Variants in DBNDD2 observed in about 807,000 individuals in gnomAD.
DBNDD2 encodes dysbindin domain containing 2, also known as dysbindin domain-containing protein 2.
A neutral mutation model predicts 14.0 loss-of-function variants in DBNDD2; 8 were observed. The observed-to-expected ratio is 0.57, with a 90% confidence interval of 0.33 to 1.03. DBNDD2 has a LOEUF of 1.03. DBNDD2 is among the 50% of genes least tolerant of loss of function. The pLI is 0.03. For synonymous variants in DBNDD2, 94 were observed against 85.3 expected (o/e 1.10, Z -0.56); for missense variants, 194 against 206.0 (o/e 0.94, Z 0.36).
chr20:45,407,964 T>C, upstream of DBNDD2: 1 of 1,403,482 alleles, frequency 7.1e-7, no homozygotes, highest in South Asian at 1.7e-5. Context: ...GGAGTTGCTT[T>C]AGCCTTTGTC....
chr20:45,408,499 G>T lies in DBNDD2; in HGVS notation c.32G>T (p.Arg11Leu). 1.2e-6 allele frequency: 2 copies of T among 1,614,238 alleles called. No individual in the cohort carries two copies. Among genetic ancestry groups the T allele is most frequent in the Non-Finnish European group, 1.7e-6 (2 of 1,180,038 alleles). The change falls in exon 1 of 3, where the codon CGC becomes CTC. Residue 11 changes from arginine (R) to leucine (L), a missense_variant. Transcript: ENST00000372710. MDPNPRAALE[R>L]QQLRLRERQK... The stretch of plus-strand genomic sequence containing the variant: ...CCAAATCCTCGGGCCGCCCTGGAGC[G>T]CCAGCAGCTCCGCCTTCGGGAGCGG...
chr20:45,410,146 G>C lies in DBNDD2; in HGVS notation c.*6G>C. On this transcript the variant is annotated 3_prime_UTR_variant, in exon 3 of 3. Coordinates refer to ENST00000372710, the MANE Select transcript of DBNDD2 (RefSeq NM_001048225.4). ...AGCCTGGAGCCTGCAGCTAGCAGTG[G>C]GCCCCTGCCTACAGACTGACCACGC... 1 of 1,551,646 alleles carries C rather than the reference G, an allele frequency of 6.4e-7. No homozygotes were observed. Among genetic ancestry groups the C allele is most frequent in the Non-Finnish European group, 8.7e-7 (1 of 1,147,026 alleles).
chr20:45,409,455 ATGTCTG>A (rs1465315225), intron 2 of DBNDD2, among the ~76,000 whole-genome samples: 1 of 152,202 alleles, frequency 6.6e-6, no homozygotes, highest in Non-Finnish European at 1.5e-5. Context: ...ACTGGAATTC[ATGTCTG>A]TCTGACTCCA....
intron 2 of DBNDD2, among the ~76,000 whole-genome samples, chr20:45,409,537 G>T (rs1031559500): frequency 2.6e-5 from 4 of 152,178 alleles, no homozygotes; most frequent in African/African-American, 9.7e-5. Flanking sequence ...TTTATTGATG[G>T]CTTACTATGC....
chr20:45,406,688 C>T (rs1033768097), upstream of DBNDD2: 55 of 1,332,282 alleles, frequency 4.1e-5, no homozygotes, highest in East Asian at 4.8e-4. Flanking sequence ...GCCGCGGCCT[C>T]GCTGGAGCGG....
upstream of DBNDD2, chr20:45,408,064 C>T (rs1038791843): frequency 2.0e-6 from 3 of 1,467,932 alleles, no homozygotes; most frequent in Non-Finnish European, 2.7e-6. Context: ...CTATCCTGTC[C>T]CTGGCCTTCT....
upstream of DBNDD2, chr20:45,407,301 TC>T: frequency 2.0e-6 from 2 of 985,828 alleles, no homozygotes; most frequent in African/African-American, 1.7e-5. Context: ...CCGCACGGTC[TC>T]CCCAGACTTC....
rs752938729 is a variant in DBNDD2 at position 45,408,940 on chromosome 20, T to C, written c.277+2T>C. 2 of 1,614,050 alleles carry C rather than the reference T, an allele frequency of 1.2e-6. No homozygotes were observed. The highest frequency in any genetic ancestry group is 2.7e-5 in the African/African-American group (2 of 74,930). ...CTCCACCAACCCCCCAGTCGTCTGG[T>C]ATGCCCCTCTGCTTTGGGGACTTCA... is the stretch of plus-strand genomic sequence containing the variant. On this transcript the variant is annotated splice_donor_variant, in intron 2 of 2. Coordinates refer to ENST00000372710, the MANE Select transcript of DBNDD2 (RefSeq NM_001048225.4). LOFTEE classifies it high-confidence loss of function.
rs930203904 is a variant in DBNDD2, at chr20:45,408,300, C to T, written c.-168C>T. On this transcript the variant is annotated 5_prime_UTR_variant, in exon 1 of 3. Coordinates refer to ENST00000372710, the MANE Select transcript of DBNDD2 (RefSeq NM_001048225.4). ...TTGGTTTGTGGGACACACTTGGTTTCAGGGAAGGGGAAAGAGGTCACCAAG... is the reference window on the plus strand; with the variant it reads ...TTGGTTTGTGGGACACACTTGGTTTTAGGGAAGGGGAAAGAGGTCACCAAG... 7 of 1,567,378 alleles carry T rather than the reference C, an allele frequency of 4.5e-6. No homozygotes were observed. The highest frequency in any genetic ancestry group is 6.1e-6 in the Non-Finnish European group (7 of 1,155,878).
rs1989781719 is a variant in DBNDD2 at position 45,410,413 on chromosome 20, C to T, written c.*273C>T. 1 of 461,718 alleles carries T rather than the reference C, an allele frequency of 2.2e-6. No individual in the cohort carries two copies. Among genetic ancestry groups the T allele is most frequent in the East Asian group, 4.2e-5 (1 of 23,566 alleles). The allele number at this position is 461,718 out of a possible 1,614,324, so 28.6% of individuals were successfully genotyped here. A position where few individuals can be genotyped will look rare whatever the true frequency, so the allele number is the denominator to read the frequency against. ...GAGAAGATGAGGTTGGACAAGATGC[C>T]ACTGCTTTTCTTAGCACTCTTCCCT... On this transcript the variant is annotated 3_prime_UTR_variant, in exon 3 of 3. Transcript: ENST00000372710.
At chr20:45,408,658 C>A in intron 1 of DBNDD2, 52 bp downstream of exon 1, 2 of 1,593,224 alleles carry the variant, frequency 1.3e-6, no homozygotes. Flanking sequence ...GGAGGATGTC[C>A]TGTGGGTCCT....
chr20:45,409,571 G>T (rs6032170), intron 2 of DBNDD2, among the ~76,000 whole-genome samples: 2 of 152,166 alleles, frequency 1.3e-5, no homozygotes, highest in Admixed American at 6.5e-5. Context: ...AGCATTCTTA[G>T]GTTTTATTCC....
chr20:45,408,452 A>G lies in DBNDD2; in HGVS notation c.-16A>G. The G allele has an allele frequency of 1.2e-6, 2 of 1,614,142 alleles. No homozygotes were observed. The highest frequency in any genetic ancestry group is 8.5e-7 in the Non-Finnish European group (1 of 1,180,026). ...GCAGCTGTACTTGTTTTGCTCCTCT[A>G]CCCGCAGGAGCTGACATGGACCCAA... is the stretch of plus-strand genomic sequence containing the variant. On this transcript the variant is annotated 5_prime_UTR_variant, in exon 1 of 3. Coordinates refer to ENST00000372710, the MANE Select transcript of DBNDD2 (RefSeq NM_001048225.4).
upstream of DBNDD2, chr20:45,406,657 G>A: frequency 7.4e-7 from 1 of 1,350,398 alleles, no homozygotes; most frequent in Non-Finnish European, 9.5e-7. Context: ...CCCGGCCGGC[G>A]CGGCTCGCTC....
At chr20:45,407,626 G>A (rs1989529352), upstream of DBNDD2, 2 of 988,600 alleles carry the variant, frequency 2.0e-6, no homozygotes, top group African/African-American at 1.7e-5. Context: ...CCCAGAACCC[G>A]CCTTTCCAAT....
chr20:45,408,896 T>C lies in DBNDD2; in HGVS notation c.235T>C (p.Phe79Leu). 1 of 1,614,212 alleles carries C rather than the reference T, an allele frequency of 6.2e-7. No individual in the cohort carries two copies. The change falls in exon 2 of 3, where the codon TTC becomes CTC. Residue 79 changes from phenylalanine (F) to leucine (L), a missense_variant. Physicochemically the swap from Phe to Leu is conservative, Grantham distance 22. Transcript: ENST00000372710. ...TGGGGACCCGGATGCAGCAGATGTGTTCTTGCCTTGCGAAGATCCTCCACC... is the reference window on the plus strand; with the variant it reads ...TGGGGACCCGGATGCAGCAGATGTGCTCTTGCCTTGCGAAGATCCTCCACC... Reference protein sequence around the residue: ...DLGDPDAADVFLPCEDPPPTP... With the variant: ...DLGDPDAADVLLPCEDPPPTP...
upstream of DBNDD2, chr20:45,408,172 G>T: frequency 6.5e-7 from 1 of 1,548,302 alleles, no homozygotes; most frequent in Non-Finnish European, 8.7e-7. Flanking sequence ...ATGGAGAGTT[G>T]GGCATTGGCT....
At chr20:45,409,821 C>G (rs1041182560) in intron 2 of DBNDD2, 111 bp from the exon 3 acceptor site, 2 of 1,167,842 alleles carry the variant, frequency 1.7e-6, no homozygotes, top group African/African-American at 1.5e-5. Flanking sequence ...GGCAAAGTCA[C>G]TTTGGACAAG....
Position 45,408,591 on chromosome 20 carries a change from C to G in DBNDD2, c.124C>G (p.Leu42Val), listed in dbSNP as rs749669894. Residue 42 changes from leucine (L) to valine (V), a missense_variant, in exon 1 of 3, where the codon CTC becomes GTC. Leu to Val is a conservative substitution (Grantham distance 32). Coordinates refer to ENST00000372710, the MANE Select transcript of DBNDD2 (RefSeq NM_001048225.4). ...EFVFPLSHLH[L>V]ESQRPPIGSI... is the part of the protein sequence containing the mutation. ...TGTCTTTCCTCTGTCCCATCTGCAT[C>G]TCGAGTCGCAGAGACGTAAGTCCCA... 6.2e-7 allele frequency: 1 copy of G among 1,613,360 alleles called. No homozygotes were observed.
Sources: allele counts gnomAD v4.1 joint callset (sites outside exome capture counted in the v4.1 genomes callset), GRCh38; gene constraint gnomAD v4.1.1; transcripts MANE v1.5; gene names NCBI Gene and HGNC (gene_info 2026-07-23, HGNC 2026-07-21).